PTPRD: variants seen among roughly 807,000 people sequenced by gnomAD.
PTPRD encodes the protein protein tyrosine phosphatase receptor type D.
In PTPRD, 34 loss-of-function variants were observed where a neutral mutation model predicts 214.5. The observed-to-expected ratio is 0.16, with a 90% CI of 0.12 to 0.21. The LOEUF is 0.21. Among genes scored for constraint, PTPRD ranks in the 10% least tolerant of loss-of-function variants. PTPRD has a pLI of 1.00. For missense variants in PTPRD, 2,545 were observed against 2,398.7 expected (o/e 1.06, Z -1.27); for synonymous variants, 1,128 against 845.7 (o/e 1.33, Z -5.79).
At chr9:9,729,989 T>C (rs2098160643) in intron 7 of PTPRD, among the ~76,000 whole-genome samples, 1 of 152,158 alleles carries the variant, frequency 6.6e-6, no homozygotes, top group African/African-American at 2.4e-5. Context: ...ATGTTTGGTT[T>C]GTTCTCTACA....
intron 12 of PTPRD, among the ~76,000 whole-genome samples, chr9:8,705,381 A>G (rs2098184081): frequency 6.6e-6 from 1 of 152,126 alleles, no homozygotes; most frequent in South Asian, 2.1e-4. Flanking sequence ...TACCACGCCC[A>G]GCTAATTTCT....
intron 5 of PTPRD, among the ~76,000 whole-genome samples, chr9:9,852,655 G>T (rs763777816): frequency 1.4e-4 from 21 of 151,850 alleles, no homozygotes; most frequent in African/African-American, 3.4e-4. Context: ...ATAAGATAAA[G>T]ATTATTCCTT....
Position 9,549,952 on chromosome 9 carries a change from C to A in PTPRD, c.-237+24780G>T, listed in dbSNP as rs12684460. ...AAAAATAAATAAATTGGGCTTTCTG[C>A]CCAATAGATAATTGGACTAATTTTT... On this transcript the variant is annotated intron_variant, in intron 8 of 45. Transcript: ENST00000381196. Among the ~76,000 whole-genome samples the A allele has an allele frequency of 1.1e-4, 17 of 152,060 alleles. No individual in the cohort carries two copies. The East Asian group carries it at 3.3e-3, about 29-fold the overall frequency.
intron 9 of PTPRD, among the ~76,000 whole-genome samples, chr9:9,351,250 C>G (rs2051000623): frequency 6.6e-6 from 1 of 151,890 alleles, no homozygotes; most frequent in African/African-American, 2.4e-5. Flanking sequence ...TAAAATACAT[C>G]TTGTAGGAAA....
intron 14 of PTPRD, among the ~76,000 whole-genome samples, chr9:8,581,113 G>T (rs969739848): frequency 2.6e-5 from 4 of 152,052 alleles, no homozygotes; most frequent in Admixed American, 6.6e-5. Flanking sequence ...ACTCCAGGGT[G>T]AGTTCTACCT....
intron 2 of PTPRD, among the ~76,000 whole-genome samples, chr9:10,494,772 T>C (rs1001605076): frequency 1.3e-5 from 2 of 151,436 alleles, no homozygotes; most frequent in African/African-American, 2.4e-5. Flanking sequence ...ATATTAATCA[T>C]AGTATATTTA....
In PTPRD at chr9:9,829,528, T is replaced by C. The variant is rs80230481; in HGVS notation, c.-367-62677A>G. On this transcript the variant is annotated intron_variant, in intron 5 of 45. Coordinates refer to ENST00000381196, the MANE Select transcript of PTPRD (RefSeq NM_002839.4). ...CCTAAAATAATATTTGTAATCTTTG[T>C]TACAGAAAGATTTTAAATATATGGA... Among the ~76,000 whole-genome samples the C allele has an allele frequency of 4.0e-3, 605 of 151,936 alleles. 3 individuals are homozygous for C. The highest frequency in any genetic ancestry group is 0.013 in the African/African-American group (548 of 41,538).
chr9:9,941,329 T>C (rs538947190), intron 4 of PTPRD, among the ~76,000 whole-genome samples: 2 of 152,218 alleles, frequency 1.3e-5, no homozygotes, highest in East Asian at 3.9e-4. Flanking sequence ...TGAAGAAATA[T>C]GTGTATCTTA....
intron 10 of PTPRD, among the ~76,000 whole-genome samples, chr9:9,158,561 C>A (rs902428218): frequency 6.6e-6 from 1 of 152,068 alleles, no homozygotes; most frequent in Non-Finnish European, 1.5e-5. Flanking sequence ...GATCGTGGCA[C>A]TGCACTCCAG....
intron 2 of PTPRD, among the ~76,000 whole-genome samples, chr9:10,557,503 A>G (rs2131371544): frequency 6.6e-6 from 1 of 152,278 alleles, no homozygotes; most frequent in Middle Eastern, 3.4e-3. Context: ...TGCTTAAGTT[A>G]GATCCAGCTT....
chr9:8,641,662 A>G (rs972645894), intron 12 of PTPRD, among the ~76,000 whole-genome samples: 1 of 133,300 alleles, frequency 7.5e-6, no homozygotes, highest in Non-Finnish European at 1.5e-5. Flanking sequence ...TGCCATTTTC[A>G]AAGACTGTAC....
At chr9:8,756,085 G>A (rs1161935957) in intron 11 of PTPRD, among the ~76,000 whole-genome samples, 1 of 152,146 alleles carries the variant, frequency 6.6e-6, no homozygotes, top group African/African-American at 2.4e-5. Context: ...AATCCAAATG[G>A]GTAGAGGGAA....
At chr9:9,503,397 T>C (rs976888389) in intron 8 of PTPRD, among the ~76,000 whole-genome samples, 2 of 151,696 alleles carry the variant, frequency 1.3e-5, no homozygotes, top group Non-Finnish European at 3.0e-5. Flanking sequence ...TTAGTGTCTT[T>C]ATGAAATAAG....
intron 39 of PTPRD, among the ~76,000 whole-genome samples, chr9:8,364,753 G>T (rs940361991): frequency 6.6e-6 from 1 of 152,160 alleles, no homozygotes; most frequent in Non-Finnish European, 1.5e-5. Flanking sequence ...TTTCTGCTGC[G>T]GTAGCCTCAC....
chr9:8,854,610 C>T (rs1388416286), intron 11 of PTPRD, among the ~76,000 whole-genome samples: 1 of 152,150 alleles, frequency 6.6e-6, no homozygotes, highest in Non-Finnish European at 1.5e-5. Context: ...ACCTCACTGC[C>T]TAATGTCTCT....
intron 33 of PTPRD, among the ~76,000 whole-genome samples, chr9:8,452,514 AG>A (rs2096000717): frequency 6.6e-6 from 1 of 152,238 alleles, no homozygotes; most frequent in Admixed American, 6.5e-5. Context: ...TAAATTTCAG[AG>A]GTCTCATCAT....
intron 5 of PTPRD, among the ~76,000 whole-genome samples, chr9:9,903,431 G>A (rs555276819): frequency 2.6e-4 from 39 of 152,184 alleles, no homozygotes; most frequent in African/African-American, 9.1e-4. Context: ...AGTTTCACAA[G>A]TTGGTGAGAA....
intron 10 of PTPRD, among the ~76,000 whole-genome samples, chr9:9,105,098 T>A (rs1284133633): frequency 6.6e-6 from 1 of 152,208 alleles, no homozygotes; most frequent in African/African-American, 2.4e-5. Context: ...ATTTTCTGCA[T>A]CTTTCACAGA....
chr9:9,936,072 T>C lies in PTPRD; in HGVS notation c.-368+2435A>G, dbSNP rs577675605. Among the ~76,000 whole-genome samples, 428 of 147,154 alleles carry C rather than the reference T, an allele frequency of 2.9e-3. 13 individuals are homozygous for C. The highest frequency in any genetic ancestry group is 0.011 in the African/African-American group (402 of 37,252). ...CCCTTCCTTACACCTTATACAAAAATCAATTCAAGATGGATTAAAGACTTA... is the reference window on the plus strand; with the variant it reads ...CCCTTCCTTACACCTTATACAAAAACCAATTCAAGATGGATTAAAGACTTA... On this transcript the variant is annotated intron_variant, in intron 5 of 45. Transcript: ENST00000381196.
Sources: allele counts gnomAD v4.1 joint callset (sites outside exome capture counted in the v4.1 genomes callset), GRCh38; gene constraint gnomAD v4.1.1; transcripts MANE v1.5; gene names NCBI Gene and HGNC (gene_info 2026-07-23, HGNC 2026-07-21).